KAZN: variants seen among roughly 807,000 people sequenced by gnomAD.
KAZN encodes kazrin, periplakin interacting protein, also known as kazrin.
KAZN carries 40 observed loss-of-function variants against 87.4 expected under a neutral mutation model. The ratio of observed to expected loss-of-function variants is 0.46; its 90% CI spans 0.36 to 0.60. The LOEUF is 0.60. KAZN is among the 20% of genes least tolerant of loss of function. The probability of loss-of-function intolerance (pLI) is 0.00; values close to 1 mark genes in which losing one functional copy is unlikely to be tolerated. For missense variants in KAZN, 898 were observed against 1,073.9 expected (o/e 0.84, Z 2.29); for synonymous variants, 466 against 458.3 (o/e 1.02, Z -0.22).
At chr1:14,132,366 A>AGG (rs1226202815) in intron 1 of KAZN, among the ~76,000 whole-genome samples, 2 of 152,122 alleles carry the variant, frequency 1.3e-5, no homozygotes, top group African/African-American at 4.8e-5. Context: ...TGATACTACC[A>AGG]GGGTCCTAGG....
intron 2 of KAZN, among the ~76,000 whole-genome samples, chr1:14,208,088 A>C (rs540678108): frequency 6.6e-6 from 1 of 152,328 alleles, no homozygotes; most frequent in South Asian, 2.1e-4. Context: ...TTTTGAGTCT[A>C]ATCACGGACT....
chr1:14,766,132 G>A (rs372718579), intron 1 of KAZN, among the ~76,000 whole-genome samples: 31 of 152,274 alleles, frequency 2.0e-4, no homozygotes, highest in East Asian at 1.5e-3. Flanking sequence ...ATATGAGAGC[G>A]AGCTGCCACC....
chr1:14,512,516 G>T (rs1464624220), intron 2 of KAZN, among the ~76,000 whole-genome samples: 1 of 144,840 alleles, frequency 6.9e-6, no homozygotes, highest in Non-Finnish European at 1.5e-5. Context: ...ACTGAATTAG[G>T]CTGCATGGGT....
chr1:14,192,082 G>C (rs546410903), intron 2 of KAZN, among the ~76,000 whole-genome samples: 5 of 152,268 alleles, frequency 3.3e-5, no homozygotes, highest in African/African-American at 1.2e-4. Flanking sequence ...GAGAGTGGTG[G>C]AATGTGTGTG....
intron 1 of KAZN, among the ~76,000 whole-genome samples, chr1:14,867,484 C>T (rs1651600288): frequency 6.6e-6 from 1 of 152,140 alleles, no homozygotes; most frequent in African/African-American, 2.4e-5. Flanking sequence ...CAGCTGGGCT[C>T]CAGGTAAGAC....
At chr1:14,883,296 A>G (rs1435113842) in intron 1 of KAZN, among the ~76,000 whole-genome samples, 4 of 90,374 alleles carry the variant, frequency 4.4e-5, no homozygotes, top group African/African-American at 1.6e-4. Flanking sequence ...ACTCCATCTC[A>G]AAAGAAAGAA....
rs193197577 is a variant in KAZN, at chr1:14,866,692, A to C, written c.227-93992A>C. Among the ~76,000 whole-genome samples, 679 of 152,258 alleles carry C rather than the reference A, an allele frequency of 4.5e-3. 4 individuals carry two copies. The highest frequency in any genetic ancestry group is 0.012 in the African/African-American group (488 of 41,534). ...CAGTGAGCTGTGATTGTGCCACTGC[A>C]CTCCAGCCTGGGTGACAGACTGAGA... is the stretch of plus-strand genomic sequence containing the variant. On this transcript the variant is annotated intron_variant, in intron 1 of 14. Coordinates refer to ENST00000376030, the MANE Select transcript of KAZN (RefSeq NM_201628.3).
intron 1 of KAZN, among the ~76,000 whole-genome samples, chr1:14,744,305 A>G (rs2100450708): frequency 6.6e-6 from 1 of 152,342 alleles, no homozygotes; most frequent in East Asian, 1.9e-4. Context: ...GGTAGGAACT[A>G]TTGGCCCCAT....
intron 1 of KAZN, among the ~76,000 whole-genome samples, chr1:14,901,854 G>A (rs1572775283): frequency 6.6e-6 from 1 of 152,188 alleles, no homozygotes; most frequent in East Asian, 1.9e-4. Context: ...CAGAAGCCAA[G>A]GGTCAGATGC....
At chr1:14,426,781 A>C (rs577366950) in intron 2 of KAZN, among the ~76,000 whole-genome samples, 6 of 152,134 alleles carry the variant, frequency 3.9e-5, no homozygotes, top group Non-Finnish European at 8.8e-5. Context: ...CTAGGTCAGG[A>C]ACAGGGAGTC....
rs889715061 is a variant in KAZN, at chr1:15,114,751, C to T, written c.*116C>T. 2 of 1,065,564 alleles carry T rather than the reference C, an allele frequency of 1.9e-6. No individual in the cohort carries two copies. The highest frequency in any genetic ancestry group is 3.2e-5 in the African/African-American group (2 of 62,590). The allele number at this position is 1,065,564 out of a possible 1,614,324, so 66.0% of individuals were successfully genotyped here. A position where few individuals can be genotyped will look rare whatever the true frequency, so the allele number is the denominator to read the frequency against. On this transcript the variant is annotated 3_prime_UTR_variant, in exon 15 of 15. Transcript: ENST00000376030. ...GGCCGCAGGCTGAGGATGTCCCTTG[C>T]TCCTGGGCAAAATCCCGATGGACTC... is the stretch of plus-strand genomic sequence containing the variant.
intron 1 of KAZN, among the ~76,000 whole-genome samples, chr1:14,823,331 C>T (rs976228895): frequency 8.5e-5 from 13 of 152,106 alleles, no homozygotes; most frequent in African/African-American, 2.9e-4. Context: ...GGAAGGGGGC[C>T]GTTTCCAGAG....
At chr1:15,090,464 C>T (rs1274769014) in intron 8 of KAZN, among the ~76,000 whole-genome samples, 1 of 152,240 alleles carries the variant, frequency 6.6e-6, no homozygotes, top group African/African-American at 2.4e-5. Flanking sequence ...CCCTGCAAGC[C>T]ATGCCGGTCC....
At chr1:13,921,877 C>T (rs746001872) in intron 1 of KAZN, among the ~76,000 whole-genome samples, 6 of 152,012 alleles carry the variant, frequency 3.9e-5, no homozygotes, top group South Asian at 2.1e-4. Context: ...GTGATCTGCC[C>T]GCCTCAGCCT....
At chr1:14,870,379 G>A (rs925326857) in intron 1 of KAZN, among the ~76,000 whole-genome samples, 1 of 152,130 alleles carries the variant, frequency 6.6e-6, no homozygotes, top group Non-Finnish European at 1.5e-5. Context: ...GTTTTGCTCT[G>A]TCGCCCAGGC....
intron 2 of KAZN, among the ~76,000 whole-genome samples, chr1:14,202,580 G>T (rs886169913): frequency 1.3e-5 from 2 of 152,190 alleles, no homozygotes; most frequent in African/African-American, 4.8e-5. Context: ...TTTCTGAAAT[G>T]TCCCTTAACT....
intron 2 of KAZN, among the ~76,000 whole-genome samples, chr1:14,195,229 C>T (rs572775337): frequency 2.0e-5 from 3 of 152,078 alleles, no homozygotes; most frequent in African/African-American, 7.2e-5. Flanking sequence ...AAGGCTGTTC[C>T]TTCTTCAGCA....
intron 2 of KAZN, among the ~76,000 whole-genome samples, chr1:14,237,412 A>G (rs939253145): frequency 6.6e-5 from 10 of 152,126 alleles, no homozygotes; most frequent in African/African-American, 2.4e-4. Context: ...TTGGCTTTCA[A>G]TCATTGCCTC....
intron 1 of KAZN, among the ~76,000 whole-genome samples, chr1:14,115,270 T>C (rs1314577954): frequency 6.6e-6 from 1 of 152,226 alleles, no homozygotes; most frequent in African/African-American, 2.4e-5. Context: ...CATGAAGAAC[T>C]TACCCTTATG....
Sources: gnomAD v4.1 joint callset for allele counts (sites outside exome capture counted in the v4.1 genomes callset) on GRCh38, gnomAD v4.1.1 for gene constraint, MANE v1.5 for transcripts, NCBI Gene and HGNC (gene_info 2026-07-23, HGNC 2026-07-21) for gene names.